Variants in THAP5 observed in about 807,000 individuals in gnomAD.
THAP5 encodes the protein THAP domain-containing protein 5.
Under a neutral mutation model 34.0 loss-of-function variants are expected in THAP5, and 26 were observed. That is an observed-to-expected ratio of 0.77 (90% CI 0.56 to 1.06). The LOEUF is 1.06. Ranked by LOEUF, THAP5 falls within the 50% of genes least tolerant of loss-of-function variation. The pLI is 0.00. For synonymous variants in THAP5, 125 were observed against 153.0 expected (o/e 0.82, Z 1.35); for missense variants, 394 against 452.8 (o/e 0.87, Z 1.18).
At chr7:108,561,626 T>C (rs1335666376), downstream of THAP5, among the ~76,000 whole-genome samples, 1 of 152,066 alleles carries the variant, frequency 6.6e-6, no homozygotes, top group Non-Finnish European at 1.5e-5. Flanking sequence ...GATCCTCATC[T>C]TGGGCAAGCG....
the THAP5 span, among the ~76,000 whole-genome samples, chr7:108,549,399 C>T: frequency 6.6e-6 from 1 of 152,104 alleles, no homozygotes; most frequent in Non-Finnish European, 1.5e-5. Flanking sequence ...GGATTACAGG[C>T]GTGAGCCACT....
At chr7:108,556,181 G>A (rs1256846119) in intron 1 of THAP5, among the ~76,000 whole-genome samples, 1 of 152,148 alleles carries the variant, frequency 6.6e-6, no homozygotes, top group Non-Finnish European at 1.5e-5. Flanking sequence ...TACAATTTGA[G>A]ATTAGACTTG....
In THAP5 at chr7:108,564,233, A is replaced by C; in HGVS notation, c.1146T>G (p.Ile382Met). The C allele has an allele frequency of 1.2e-6, 2 of 1,606,368 alleles. No homozygotes were observed. The highest frequency in any genetic ancestry group is 1.7e-6 in the Non-Finnish European group (2 of 1,177,628). The change falls in exon 3 of 3, where the codon ATT becomes ATG. Residue 382 changes from isoleucine to methionine, a missense_variant. Ile to Met is a conservative substitution (Grantham distance 10, BLOSUM62 1). Transcript: ENST00000415914. ...ENWLSEENVK[I>M]IENHFTTYEV... ...CATATGTTGTAAAATGGTTTTCTAT[A>C]ATCTTGACGTTTTCTTCAGATAGCC...
downstream of THAP5, among the ~76,000 whole-genome samples, chr7:108,559,289 T>C (rs1864410009): frequency 1.3e-5 from 2 of 152,218 alleles, no homozygotes; most frequent in African/African-American, 4.8e-5. Flanking sequence ...TGAATAGGAA[T>C]GTTTGCTTTA....
chr7:108,561,152 CT>C (rs1178477490), downstream of THAP5, among the ~76,000 whole-genome samples: 1 of 152,152 alleles, frequency 6.6e-6, no homozygotes, highest in African/African-American at 2.4e-5. Flanking sequence ...CAAAAGAACC[CT>C]AACTCAAATC....
the THAP5 span, among the ~76,000 whole-genome samples, chr7:108,548,307 T>G: frequency 6.6e-6 from 1 of 152,178 alleles, no homozygotes; most frequent in Non-Finnish European, 1.5e-5. Flanking sequence ...TTTATGGAGC[T>G]CTGACTTTGT....
chr7:108,549,123 CACACAA>C, the THAP5 span, among the ~76,000 whole-genome samples: 11 of 140,756 alleles, frequency 7.8e-5, 1 homozygote, highest in South Asian at 1.4e-3. Flanking sequence ...CACACACACA[CACACAA>C]GTACTTTTTT....
At chr7:108,542,134 T>A in the THAP5 span, among the ~76,000 whole-genome samples, 1 of 152,196 alleles carries the variant, frequency 6.6e-6, no homozygotes. Flanking sequence ...TCTGTCACTG[T>A]GGAGGGGATA....
downstream of THAP5, among the ~76,000 whole-genome samples, chr7:108,560,486 TA>T (rs1423616231): frequency 6.6e-6 from 1 of 152,184 alleles, no homozygotes. Flanking sequence ...CCCACTGGCT[TA>T]AAAATATATG....
At chr7:108,558,377 G>GTGTGTATATATA (rs1401164750), downstream of THAP5, among the ~76,000 whole-genome samples, 22 of 63,004 alleles carry the variant, frequency 3.5e-4, no homozygotes, top group African/African-American at 8.1e-4. Context: ...ATGTGTGTGT[G>GTGTGTATATATA]TATGTATATA....
At chr7:108,543,093 AT>A in the THAP5 span, among the ~76,000 whole-genome samples, 2 of 151,424 alleles carry the variant, frequency 1.3e-5, no homozygotes, top group Non-Finnish European at 2.9e-5. Context: ...CGCCCGGCTA[AT>A]TTTTTTGTAT....
rs142658780 is a variant in THAP5 at position 108,566,986 on chromosome 7, A to G, written c.81-964T>C. On this transcript the variant is annotated intron_variant, in intron 1 of 2. Transcript: ENST00000415914. ...TCCTGTTTTTAAAAATAGTAACAAT[A>G]TAAGGTTTCTCATATAAAATGTAGC... is the stretch of plus-strand genomic sequence containing the variant. 1.4e-4 allele frequency among the ~76,000 whole-genome samples: 21 copies of G among 152,300 alleles called. No homozygotes were observed. The East Asian group carries it at 3.7e-3, about 27-fold the overall frequency.
Position 108,569,703 on chromosome 7 carries a change from G to T in THAP5, c.-134C>A, listed in dbSNP as rs1256313749. ...AGCATTCTGCCGGGAAAGCCGCCTC[G>T]TCTGTCGACTCACTTCCGCCTCCTC... On this transcript the variant is annotated 5_prime_UTR_variant, in exon 1 of 3. Coordinates refer to ENST00000415914, the MANE Select transcript of THAP5 (RefSeq NM_001130475.3). The T allele has an allele frequency of 5.0e-6, 6 of 1,199,088 alleles. No individual in the cohort carries two copies. The highest frequency in any genetic ancestry group is 7.0e-6 in the Non-Finnish European group (6 of 857,762). The allele number at this position is 1,199,088 out of a possible 1,614,324, so 74.3% of individuals were successfully genotyped here. A position where few individuals can be genotyped will look rare whatever the true frequency, so the allele number is the denominator to read the frequency against.
At chr7:108,554,998 A>G (rs1258021972) in intron 1 of THAP5, 4 of 152,144 alleles carry the variant, frequency 2.6e-5, no homozygotes, top group African/African-American at 7.2e-5. Flanking sequence ...CCTCTAATCC[A>G]CAGATAGTCA....
At position 108,565,811 on chromosome 7, in the gene THAP5, C is replaced by A; in HGVS notation, c.273+19G>T. 6.6e-7 allele frequency: 1 copy of A among 1,522,878 alleles called. No individual in the cohort carries two copies. The allele number at this position is 1,522,878 out of a possible 1,614,324, so 94.3% of individuals were successfully genotyped here. ...TCTGCCACTCTGCTCAGCATTACCC[C>A]TCTCCCATACTGCAATACCTGATTG... On this transcript the variant is annotated intron_variant, in intron 2 of 2. Coordinates refer to ENST00000415914, the MANE Select transcript of THAP5 (RefSeq NM_001130475.3).
downstream of THAP5, among the ~76,000 whole-genome samples, chr7:108,557,146 G>C (rs963641691): frequency 3.9e-5 from 6 of 152,238 alleles, no homozygotes; most frequent in Non-Finnish European, 8.8e-5. Flanking sequence ...CCATTTTTCT[G>C]TCCTGGGCCT....
chr7:108,557,977 G>T (rs192971535), downstream of THAP5, among the ~76,000 whole-genome samples: 6 of 152,240 alleles, frequency 3.9e-5, no homozygotes, highest in East Asian at 1.2e-3. Flanking sequence ...ATGGTGGAAA[G>T]GCAAAAAGGA....
chr7:108,566,499 A>G (rs186337803), intron 1 of THAP5, among the ~76,000 whole-genome samples: 11 of 147,980 alleles, frequency 7.4e-5, no homozygotes, highest in Admixed American at 5.3e-4. Flanking sequence ...CTTATTTAAT[A>G]TTTAAAAAAT....
At chr7:108,549,038 A>G in the THAP5 span, among the ~76,000 whole-genome samples, 1 of 151,580 alleles carries the variant, frequency 6.6e-6, no homozygotes, top group East Asian at 1.9e-4. Flanking sequence ...TTCTAATCAT[A>G]TTGCAGATTC....
Sources: gnomAD v4.1 joint callset for allele counts (sites outside exome capture counted in the v4.1 genomes callset) on GRCh38, gnomAD v4.1.1 for gene constraint, MANE v1.5 for transcripts, NCBI Gene and HGNC (gene_info 2026-07-23, HGNC 2026-07-21) for gene names.